Variants in KCND2 observed in about 807,000 individuals in gnomAD.
KCND2 encodes potassium voltage-gated channel subfamily D member 2.
In KCND2, 16 loss-of-function variants were observed where a neutral mutation model predicts 54.4. That is an observed-to-expected ratio of 0.29 (90% CI 0.20 to 0.45). The LOEUF is 0.45. Ranked by LOEUF, KCND2 falls within the 20% of genes least tolerant of loss-of-function variation. The pLI is 1.00. For missense variants in KCND2, 486 were observed against 824.2 expected (o/e 0.59, Z 5.02); for synonymous variants, 317 against 310.7 (o/e 1.02, Z -0.21).
intron 1 of KCND2, among the ~76,000 whole-genome samples, chr7:120,627,157 C>T (rs973292897): frequency 3.9e-5 from 6 of 152,204 alleles, no homozygotes; most frequent in Admixed American, 3.9e-4. Context: ...TCCACAAACC[C>T]TTATTAAGCA....
rs559330685 is a variant in KCND2, at chr7:120,462,159, C to T, written c.1115+186412C>T. ...TTTCATTAGTGTTATTTCCTTAGCA[C>T]ACTTCAAAGTGATTGTCCCATAAAA... On this transcript the variant is annotated intron_variant, in intron 1 of 5. Coordinates refer to ENST00000331113, the MANE Select transcript of KCND2 (RefSeq NM_012281.3). Among the ~76,000 whole-genome samples the T allele has an allele frequency of 7.4e-5, 10 of 136,008 alleles. No homozygotes were observed. The South Asian group carries it at 2.1e-3, about 29-fold the overall frequency. The allele number at this position is 136,008 out of a possible 152,430, so 89.2% of individuals were successfully genotyped here.
intron 1 of KCND2, among the ~76,000 whole-genome samples, chr7:120,664,951 A>G (rs1224077050): frequency 6.6e-6 from 1 of 152,118 alleles, no homozygotes; most frequent in Non-Finnish European, 1.5e-5. Context: ...ACGTACAACT[A>G]TCTTCAGAGA....
intron 1 of KCND2, among the ~76,000 whole-genome samples, chr7:120,354,163 A>C (rs185655032): frequency 6.6e-6 from 1 of 152,176 alleles, no homozygotes; most frequent in African/African-American, 2.4e-5. Flanking sequence ...AACAACTGAC[A>C]TGTCAACTAT....
At chr7:120,382,267 T>A (rs1447880993) in intron 1 of KCND2, among the ~76,000 whole-genome samples, 1 of 151,868 alleles carries the variant, frequency 6.6e-6, no homozygotes, top group Non-Finnish European at 1.5e-5. Flanking sequence ...ATCCTAATTA[T>A]TCAGATACTG....
intron 1 of KCND2, among the ~76,000 whole-genome samples, chr7:120,502,954 C>G (rs899002424): frequency 6.6e-6 from 1 of 152,030 alleles, no homozygotes; most frequent in Non-Finnish European, 1.5e-5. Flanking sequence ...ATTTACTTTC[C>G]TAGCTATTTT....
intron 1 of KCND2, among the ~76,000 whole-genome samples, chr7:120,387,657 T>A (rs1801009909): frequency 6.6e-6 from 1 of 151,996 alleles, no homozygotes; most frequent in South Asian, 2.1e-4. Context: ...ATGACAGAAC[T>A]GGGGAAAATG....
At chr7:120,611,967 T>G (rs796728114) in intron 1 of KCND2, among the ~76,000 whole-genome samples, 7 of 152,340 alleles carry the variant, frequency 4.6e-5, no homozygotes, top group African/African-American at 1.7e-4. Context: ...AGAAAAAGTG[T>G]GTTTAAGCAC....
At chr7:120,541,514 C>T (rs1475992060) in intron 1 of KCND2, among the ~76,000 whole-genome samples, 3 of 151,864 alleles carry the variant, frequency 2.0e-5, no homozygotes, top group South Asian at 2.1e-4. Context: ...AAAGAAAGAC[C>T]AGAGAGTTTA....
rs546829929 is a variant in KCND2, at chr7:120,385,273, A to G, written c.1115+109526A>G. Among the ~76,000 whole-genome samples the G allele has an allele frequency of 3.9e-5, 6 of 152,026 alleles. No homozygotes were observed. In the South Asian group the frequency reaches 1.0e-3, roughly 26 times the overall value. Reference sequence around the variant, plus strand: ...CTCTCAAAGTGCTGGGATTACAGACATGAGCCACCATGCCCGGCCCATTTG... The same window carrying G: ...CTCTCAAAGTGCTGGGATTACAGACGTGAGCCACCATGCCCGGCCCATTTG... On this transcript the variant is annotated intron_variant, in intron 1 of 5. Transcript: ENST00000331113.
chr7:120,579,464 TG>T (rs1191103685), intron 1 of KCND2, among the ~76,000 whole-genome samples: 2 of 151,810 alleles, frequency 1.3e-5, no homozygotes, highest in Admixed American at 6.6e-5. Flanking sequence ...TAGCTGGGCA[TG>T]GTGGTGCTTG....
At chr7:120,462,104 G>T (rs1802291973) in intron 1 of KCND2, among the ~76,000 whole-genome samples, 1 of 151,784 alleles carries the variant, frequency 6.6e-6, no homozygotes, top group African/African-American at 2.4e-5. Flanking sequence ...TGTTGTATTA[G>T]TATCTCATAT....
At chr7:120,581,499 A>C (rs1252873105) in intron 1 of KCND2, among the ~76,000 whole-genome samples, 1 of 152,174 alleles carries the variant, frequency 6.6e-6, no homozygotes, top group Non-Finnish European at 1.5e-5. Flanking sequence ...ATGAAGTCCT[A>C]ATTAGATAGT....
chr7:120,685,478 G>A (rs927610204), intron 1 of KCND2, among the ~76,000 whole-genome samples: 3 of 152,192 alleles, frequency 2.0e-5, no homozygotes, highest in Admixed American at 6.6e-5. Flanking sequence ...TGTTGATATC[G>A]GATGCTGCAG....
chr7:120,527,393 G>A (rs779340859), intron 1 of KCND2, among the ~76,000 whole-genome samples: 10 of 152,042 alleles, frequency 6.6e-5, no homozygotes, highest in Non-Finnish European at 1.5e-4. Flanking sequence ...AGACACCTGA[G>A]GACTCCTGAC....
At chr7:120,543,893 A>G (rs928276331) in intron 1 of KCND2, among the ~76,000 whole-genome samples, 7 of 152,112 alleles carry the variant, frequency 4.6e-5, no homozygotes, top group Non-Finnish European at 8.8e-5. Context: ...CCAAATTTTC[A>G]GCAATTATTA....
chr7:120,719,816 C>T (rs1256967470), intron 1 of KCND2, among the ~76,000 whole-genome samples: 1 of 152,054 alleles, frequency 6.6e-6, no homozygotes, highest in African/African-American at 2.4e-5. Context: ...TAAAATATGG[C>T]TTTAATTTAT....
chr7:120,407,374 A>G (rs770551634), intron 1 of KCND2, among the ~76,000 whole-genome samples: 2 of 152,046 alleles, frequency 1.3e-5, no homozygotes, highest in Non-Finnish European at 2.9e-5. Flanking sequence ...CTCATAGTGT[A>G]GTTATAAACA....
intron 1 of KCND2, among the ~76,000 whole-genome samples, chr7:120,569,771 A>G (rs146905895): frequency 5.4e-4 from 83 of 152,304 alleles, no homozygotes; most frequent in African/African-American, 2.0e-3. Flanking sequence ...ATATTTCTCT[A>G]AGATGCTTTT....
chr7:120,684,083 A>C (rs1792172088), intron 1 of KCND2, among the ~76,000 whole-genome samples: 1 of 152,136 alleles, frequency 6.6e-6, no homozygotes, highest in Non-Finnish European at 1.5e-5. Flanking sequence ...AAGAAAATGG[A>C]GTACTTCATC....
Sources: gnomAD v4.1 joint callset for allele counts (sites outside exome capture counted in the v4.1 genomes callset) on GRCh38, gnomAD v4.1.1 for gene constraint, MANE v1.5 for transcripts, NCBI Gene and HGNC (gene_info 2026-07-23, HGNC 2026-07-21) for gene names.